The following DNAH7 variants were observed in gnomAD, a reference collection of about 807,000 sequenced individuals.
DNAH7 encodes the protein dynein axonemal heavy chain 7, also known as axonemal beta dynein heavy chain 7.
Under a neutral mutation model 444.6 loss-of-function variants are expected in DNAH7, and 397 were observed. The ratio of observed to expected loss-of-function variants is 0.89; its 90% CI spans 0.82 to 0.97. The LOEUF is 0.97. Among genes scored for constraint, DNAH7 ranks in the 50% least tolerant of loss-of-function variants. The pLI is 0.00. For synonymous variants in DNAH7, 1,636 were observed against 1,624.4 expected (o/e 1.01, Z -0.17); for missense variants, 4,902 against 4,800.8 (o/e 1.02, Z -0.62).
intron 5 of DNAH7, among the ~76,000 whole-genome samples, chr2:196,044,798 T>C (rs1182403483): frequency 1.3e-5 from 2 of 152,126 alleles, no homozygotes; most frequent in Non-Finnish European, 2.9e-5. Context: ...TCAGACACAG[T>C]GGCTCACACC....
intron 19 of DNAH7, among the ~76,000 whole-genome samples, chr2:195,939,146 C>T (rs981711046): frequency 2.6e-5 from 4 of 152,122 alleles, no homozygotes; most frequent in African/African-American, 9.7e-5. Flanking sequence ...AACACACAGA[C>T]ACTTGAAGCG....
At chr2:195,949,318 C>T (rs1430732358) in intron 19 of DNAH7, among the ~76,000 whole-genome samples, 3 of 152,156 alleles carry the variant, frequency 2.0e-5, no homozygotes, top group African/African-American at 7.2e-5. Flanking sequence ...GAGTCTCACT[C>T]CATTGTCCTG....
At chr2:195,747,680 T>C (rs1310296188) in intron 63 of DNAH7, among the ~76,000 whole-genome samples, 1 of 152,166 alleles carries the variant, frequency 6.6e-6, no homozygotes. Context: ...GCTGGTTCCA[T>C]ATATGCAAAT....
chr2:195,876,842 A>C, intron 36 of DNAH7, 143 bp from the exon 37 acceptor site: 1 of 616,424 alleles, frequency 1.6e-6, no homozygotes, highest in East Asian at 2.9e-5. Flanking sequence ...CAGTAGGAAT[A>C]ACAGTTACCA....
At chr2:195,968,369 G>A (rs1402018053) in intron 17 of DNAH7, among the ~76,000 whole-genome samples, 1 of 152,176 alleles carries the variant, frequency 6.6e-6, no homozygotes, top group Non-Finnish European at 1.5e-5. Flanking sequence ...AGGCCTTCAA[G>A]GCAGTGGGTT....
rs756003573 is a variant in DNAH7 at position 195,881,794 on chromosome 2, C to A, written c.5961+1G>T. ...AATACGCAGATTTCTGCAGTACTTA[C>A]CGTAATGTAAACACTTTTCCCAGTT... On this transcript the variant is annotated splice_donor_variant, in intron 36 of 64. Transcript: ENST00000312428. LOFTEE classifies it high-confidence loss of function. 1.2e-6 allele frequency: 2 copies of A among 1,613,356 alleles called. No homozygotes were observed. The highest frequency in any genetic ancestry group is 2.2e-5 in the South Asian group (2 of 91,060).
chr2:195,746,517 C>T (rs1370721589), intron 63 of DNAH7, among the ~76,000 whole-genome samples: 3 of 152,196 alleles, frequency 2.0e-5, no homozygotes, highest in Non-Finnish European at 4.4e-5. Context: ...CTACAGAACT[C>T]TCCACCCCAA....
chr2:195,838,421 C>T (rs1037098869), intron 47 of DNAH7, among the ~76,000 whole-genome samples: 1 of 150,938 alleles, frequency 6.6e-6, no homozygotes, highest in African/African-American at 2.4e-5. Flanking sequence ...CTCCATGAGA[C>T]AAAGGTGAAC....
Position 195,875,720 on chromosome 2 carries a change from T to C in DNAH7, c.6241A>G (p.Ile2081Val), listed in dbSNP as rs745435132. ...NWYDLKDCSM[I>V]KLVDIQIMCA... is the part of the protein sequence containing the mutation. ...ATGATCTGAATGTCCACTAGTTTAATCATGGAACAATCTTTTAGATCATAC... is the reference window on the plus strand; with the variant it reads ...ATGATCTGAATGTCCACTAGTTTAACCATGGAACAATCTTTTAGATCATAC... The change falls in exon 38 of 65, where the codon ATT becomes GTT. Residue 2081 changes from isoleucine (I) to valine (V), a missense_variant. Coordinates refer to ENST00000312428, the MANE Select transcript of DNAH7 (RefSeq NM_018897.3). The C allele has an allele frequency of 2.5e-6, 4 of 1,610,496 alleles. No homozygotes were observed. Among genetic ancestry groups the C allele is most frequent in the Middle Eastern group, 1.7e-4 (1 of 6,054 alleles).
At chr2:195,881,186 A>AT (rs1574652847) in intron 36 of DNAH7, among the ~76,000 whole-genome samples, 2 of 152,308 alleles carry the variant, frequency 1.3e-5, no homozygotes, top group East Asian at 3.9e-4. Flanking sequence ...TGCCAAATAC[A>AT]TTTCAGAAAG....
chr2:195,965,267 AATTG>A (rs907902108), intron 17 of DNAH7, among the ~76,000 whole-genome samples: 1 of 152,146 alleles, frequency 6.6e-6, no homozygotes, highest in East Asian at 1.9e-4. Flanking sequence ...TGATGCATCA[AATTG>A]ATTGATATGT....
chr2:195,986,308 G>A (rs936228000), intron 14 of DNAH7, among the ~76,000 whole-genome samples: 1 of 152,134 alleles, frequency 6.6e-6, no homozygotes, highest in East Asian at 1.9e-4. Flanking sequence ...CCTTAGAGCC[G>A]AAGTGGCTAG....
chr2:195,779,607 GTTTT>G (rs201455996), intron 58 of DNAH7, among the ~76,000 whole-genome samples: 10 of 151,386 alleles, frequency 6.6e-5, no homozygotes, highest in Non-Finnish European at 1.3e-4. Flanking sequence ...GTATTGTAGG[GTTTT>G]TTTTGTTTGT....
At chr2:195,751,173 T>G (rs1329589597) in intron 63 of DNAH7, among the ~76,000 whole-genome samples, 3 of 152,214 alleles carry the variant, frequency 2.0e-5, no homozygotes, top group Non-Finnish European at 2.9e-5. Context: ...AAAGGGATTT[T>G]GAACAAATGG....
intron 26 of DNAH7, 53 bp from the exon 27 acceptor site, chr2:195,906,839 C>G: frequency 6.2e-7 from 1 of 1,608,950 alleles, no homozygotes. Flanking sequence ...TAAACATGAG[C>G]TGTGCCATTC....
chr2:195,991,771 G>C (rs1693355139), intron 12 of DNAH7, among the ~76,000 whole-genome samples: 1 of 152,130 alleles, frequency 6.6e-6, no homozygotes, highest in Non-Finnish European at 1.5e-5. Context: ...TTTAATAGCA[G>C]CAACCAATGG....
At chr2:195,879,276 A>G (rs1701231867) in intron 36 of DNAH7, among the ~76,000 whole-genome samples, 1 of 152,194 alleles carries the variant, frequency 6.6e-6, no homozygotes. Flanking sequence ...CTTAAAAAGA[A>G]TAAGCAAAAA....
rs371864557 is a variant in DNAH7 at position 195,740,856 on chromosome 2, G to A, written c.11778C>T (p.His3926=). ...KHPPEDGVFI[H]GLFLDGASWN... is the part of the protein sequence containing the mutation. ...AGGAAGCTCCATCCAGAAATAATCC[G>A]TGAATGAAAACACCTAAATATAAAA... The change falls in exon 64 of 65, where the codon CAC becomes CAT. Residue 3926 remains histidine, a synonymous_variant. Transcript: ENST00000312428. 1.4e-4 allele frequency: 220 copies of A among 1,541,378 alleles called. 4 individuals carry two copies. In the South Asian group the frequency reaches 2.1e-3, roughly 14 times the overall value.
At chr2:195,934,908 A>G (rs1312660644) in intron 20 of DNAH7, 119 bp from the exon 21 acceptor site, 8 of 1,075,630 alleles carry the variant, frequency 7.4e-6, no homozygotes, top group Non-Finnish European at 9.2e-6. Flanking sequence ...TGCTGTGCAA[A>G]AACCGGAAAC....
Sources: allele counts gnomAD v4.1 joint callset (sites outside exome capture counted in the v4.1 genomes callset), GRCh38; gene constraint gnomAD v4.1.1; transcripts MANE v1.5; gene names NCBI Gene and HGNC (gene_info 2026-07-23, HGNC 2026-07-21).